FNDC1: variants seen among roughly 807,000 people sequenced by gnomAD.
FNDC1 encodes fibronectin type III domain-containing protein 1.
FNDC1 carries 96 observed loss-of-function variants against 168.0 expected under a neutral mutation model. The observed-to-expected ratio is 0.57, with a 90% CI of 0.48 to 0.68. FNDC1 has a LOEUF of 0.68. Among genes scored for constraint, FNDC1 ranks in the 30% least tolerant of loss-of-function variants. The pLI, the probability that FNDC1 is intolerant of heterozygous loss-of-function variation, is 0.00. For missense variants in FNDC1, 2,587 were observed against 2,482.1 expected (o/e 1.04, Z -0.90); for synonymous variants, 1,099 against 1,025.9 (o/e 1.07, Z -1.36).
intron 4 of FNDC1, among the ~76,000 whole-genome samples, chr6:159,211,218 T>A (rs365045): frequency 6.6e-6 from 1 of 151,962 alleles, no homozygotes; most frequent in Admixed American, 6.6e-5. Flanking sequence ...CTTTGTGAAG[T>A]TGGTGGTCAG....
intron 19 of FNDC1, among the ~76,000 whole-genome samples, chr6:159,264,545 A>G (rs1245632760): frequency 6.6e-6 from 1 of 152,232 alleles, no homozygotes. Flanking sequence ...CAAAGATGCT[A>G]TAAACATTTA....
chr6:159,251,585 G>A (rs771408975), intron 17 of FNDC1, 53 bp downstream of exon 17: 21 of 1,492,798 alleles, frequency 1.4e-5, no homozygotes, highest in Non-Finnish European at 1.8e-5. Flanking sequence ...GGGAAATGTG[G>A]ACAATAAAGA....
chr6:159,266,027 G>T, intron 20 of FNDC1, 57 bp from the exon 21 acceptor site: 1 of 1,579,870 alleles, frequency 6.3e-7, no homozygotes, highest in Non-Finnish European at 8.7e-7. Context: ...GGCACTTTGT[G>T]TGAGAAGACA....
chr6:159,243,797 T>C (rs921059559), intron 14 of FNDC1, among the ~76,000 whole-genome samples: 1 of 152,200 alleles, frequency 6.6e-6, no homozygotes, highest in Non-Finnish European at 1.5e-5. Flanking sequence ...CCAGGATGGT[T>C]CTATTTTAGA....
At chr6:159,198,000 T>C (rs1782286973) in intron 2 of FNDC1, among the ~76,000 whole-genome samples, 1 of 152,232 alleles carries the variant, frequency 6.6e-6, no homozygotes, top group African/African-American at 2.4e-5. Context: ...CATTTTATAA[T>C]CAGGGATTGG....
At chr6:159,181,904 A>G (rs1781888118) in intron 1 of FNDC1, among the ~76,000 whole-genome samples, 1 of 152,160 alleles carries the variant, frequency 6.6e-6, no homozygotes, top group Admixed American at 6.5e-5. Flanking sequence ...ATGGAAAACC[A>G]TCACGTTCTC....
At chr6:159,177,607 CTG>C (rs980110429) in intron 1 of FNDC1, among the ~76,000 whole-genome samples, 3 of 152,066 alleles carry the variant, frequency 2.0e-5, no homozygotes, top group Admixed American at 2.0e-4. Context: ...GACAAAAGCT[CTG>C]TGAAATTTAT....
Position 159,169,757 on chromosome 6 carries a change from C to G in FNDC1, c.109+52C>G. On this transcript the variant is annotated intron_variant, in intron 1 of 22. Transcript: ENST00000297267. The surrounding 1 kb of genome is among the most constrained non-coding windows in gnomAD (Gnocchi z 6.8). ...GCTCCTCAGCTCCCCGCGCACCCTCCTGCGCTCGGGCCCCGTCGTCCCGCT... is the reference window on the plus strand; with the variant it reads ...GCTCCTCAGCTCCCCGCGCACCCTCGTGCGCTCGGGCCCCGTCGTCCCGCT... 1.4e-6 allele frequency: 1 copy of G among 729,348 alleles called. No individual in the cohort carries two copies. The highest frequency in any genetic ancestry group is 1.8e-6 in the Non-Finnish European group (1 of 556,446). The allele number at this position is 729,348 out of a possible 1,614,324, so 45.2% of individuals were successfully genotyped here. A position where few individuals can be genotyped will look rare whatever the true frequency, so the allele number is the denominator to read the frequency against.
rs74834166 is a variant in FNDC1 at position 159,250,974 on chromosome 6, A to G, written c.4835-328A>G. Reference sequence around the variant, plus strand: ...GTGGGCCTGACTCACCCTTTTCCAAATGTGGGGCACAGGAATGGCAGCGAG... The same window carrying G: ...GTGGGCCTGACTCACCCTTTTCCAAGTGTGGGGCACAGGAATGGCAGCGAG... On this transcript the variant is annotated intron_variant, in intron 16 of 22. Transcript: ENST00000297267. Among the ~76,000 whole-genome samples the G allele has an allele frequency of 9.4e-3, 1,437 of 152,296 alleles. 24 individuals carry two copies. Among genetic ancestry groups the G allele is most frequent in the African/African-American group, 0.033 (1,373 of 41,554 alleles).
chr6:159,197,643 C>T lies in FNDC1; in HGVS notation c.304+18C>T, dbSNP rs1195628989. On this transcript the variant is annotated intron_variant, in intron 2 of 22. Transcript: ENST00000297267. ...GGATGTGGGTAAGTGACACTCTGAT[C>T]TTGTTCCCAGTCAGAATTAACTGTG... 6.3e-7 allele frequency: 1 copy of T among 1,593,934 alleles called. No individual in the cohort carries two copies. The highest frequency in any genetic ancestry group is 1.3e-5 in the African/African-American group (1 of 74,454).
At chr6:159,172,943 A>G (rs1397275475) in intron 1 of FNDC1, among the ~76,000 whole-genome samples, 4 of 152,266 alleles carry the variant, frequency 2.6e-5, no homozygotes, top group African/African-American at 9.6e-5. Context: ...ATGTAGAAAC[A>G]AAGCTGCTCT....
chr6:159,212,624 T>C (rs1288442878), intron 4 of FNDC1, among the ~76,000 whole-genome samples: 1 of 152,238 alleles, frequency 6.6e-6, no homozygotes, highest in Non-Finnish European at 1.5e-5. Flanking sequence ...CTCTGGTTAT[T>C]ACCGAGACAG....
At chr6:159,211,567 AT>A (rs1001422522) in intron 4 of FNDC1, among the ~76,000 whole-genome samples, 175 of 146,706 alleles carry the variant, frequency 1.2e-3, no homozygotes, top group Middle Eastern at 7.0e-3. Context: ...TCTTTGAAAC[AT>A]TTTTTTTTTT....
At chr6:159,195,164 G>A (rs1258097761) in intron 1 of FNDC1, among the ~76,000 whole-genome samples, 1 of 152,024 alleles carries the variant, frequency 6.6e-6, no homozygotes, top group South Asian at 2.1e-4. Flanking sequence ...TCCCCAAAAG[G>A]CCTTTATGTT....
chr6:159,255,396 C>T (rs1348827025), intron 17 of FNDC1, among the ~76,000 whole-genome samples: 1 of 152,186 alleles, frequency 6.6e-6, no homozygotes, highest in Non-Finnish European at 1.5e-5. Flanking sequence ...CAGAGAAGCT[C>T]TTTGTGTCCT....
chr6:159,233,103 A>T lies in FNDC1; in HGVS notation c.2591A>T (p.His864Leu). ...CGAGCCCACCCCAGGGTTCCCTCTCACTCTGATTCCCACCCTAAGCTTAGC... is the reference window on the plus strand; with the variant it reads ...CGAGCCCACCCCAGGGTTCCCTCTCTCTCTGATTCCCACCCTAAGCTTAGC... ...PSRAHPRVPS[H>L]SDSHPKLSSG... Residue 864 changes from histidine to leucine, a missense_variant, in exon 11 of 23, where the codon CAC (histidine) becomes CTC (leucine). Transcript: ENST00000297267. The surrounding 1 kb of genome is among the most constrained non-coding windows in gnomAD (Gnocchi z 4.6). 6.2e-7 allele frequency: 1 copy of T among 1,601,842 alleles called. No individual in the cohort carries two copies. Among genetic ancestry groups the T allele is most frequent in the Non-Finnish European group, 8.5e-7 (1 of 1,174,644 alleles).
chr6:159,186,162 G>C (rs1016421697), intron 1 of FNDC1, among the ~76,000 whole-genome samples: 23 of 152,136 alleles, frequency 1.5e-4, no homozygotes, highest in African/African-American at 5.1e-4. Context: ...TCATTTTACT[G>C]TTCCATTTTT....
chr6:159,224,998 C>T, intron 7 of FNDC1, among the ~76,000 whole-genome samples: 1 of 152,210 alleles, frequency 6.6e-6, no homozygotes, highest in Non-Finnish European at 1.5e-5. Context: ...GTTTGTTTCA[C>T]ATTTTCACTC....
Position 159,233,768 on chromosome 6 carries a change from G to C in FNDC1, c.3256G>C (p.Val1086Leu), listed in dbSNP as rs1009399080. ...QGSYDDDSTE[V>L]EAQDVRAPAH... ...CAGCTACGACGACGACAGCACAGAAGTCGAGGCCCAGGATGTGCGGGCCCC... is the reference window on the plus strand; with the variant it reads ...CAGCTACGACGACGACAGCACAGAACTCGAGGCCCAGGATGTGCGGGCCCC... The change falls in exon 11 of 23, where the codon GTC becomes CTC. Residue 1086 changes from valine to leucine, a missense_variant. Val to Leu is a conservative substitution (Grantham distance 32, BLOSUM62 1). Coordinates refer to ENST00000297267, the MANE Select transcript of FNDC1 (RefSeq NM_032532.3). This position sits in a 1 kb window ranked among gnomAD's most constrained non-coding sequence, Gnocchi z 4.6. The C allele has an allele frequency of 6.5e-7, 1 of 1,545,652 alleles. No homozygotes were observed. The highest frequency in any genetic ancestry group is 2.4e-5 in the East Asian group (1 of 40,818).
Sources: gnomAD v4.1 joint callset for allele counts (sites outside exome capture counted in the v4.1 genomes callset) on GRCh38, gnomAD v4.1.1 for gene constraint, Gnocchi (gnomAD v3.1) non-coding constraint, MANE v1.5 for transcripts, NCBI Gene and HGNC (gene_info 2026-07-23, HGNC 2026-07-21) for gene names.